PDE12: variants seen among roughly 807,000 people sequenced by gnomAD.
PDE12 encodes phosphodiesterase 12.
PDE12 carries 26 observed loss-of-function variants against 45.4 expected under a neutral mutation model. The observed-to-expected ratio is 0.57, with a 90% CI of 0.42 to 0.79. The LOEUF (loss-of-function observed/expected upper bound fraction) is 0.79. Ranked by LOEUF, PDE12 falls within the 30% of genes least tolerant of loss-of-function variation. The pLI is 0.00. For missense variants in PDE12, 668 were observed against 790.0 expected, an observed-to-expected ratio of 0.85 and a Z score of 1.85; for synonymous variants, 283 against 323.9, an observed-to-expected ratio of 0.87 and a Z score of 1.36.
the PDE12 span, among the ~76,000 whole-genome samples, chr3:57,637,611 T>C: frequency 5.3e-5 from 8 of 152,072 alleles, no homozygotes; most frequent in South Asian, 6.2e-4. Flanking sequence ...GTTGCACAAC[T>C]TGTGCAGCAT....
chr3:57,645,323 T>C, the PDE12 span, among the ~76,000 whole-genome samples: 7 of 151,920 alleles, frequency 4.6e-5, no homozygotes, highest in Middle Eastern at 3.4e-3. Flanking sequence ...TAGCCGGGCG[T>C]GGTGGCGCAT....
the PDE12 span, among the ~76,000 whole-genome samples, chr3:57,573,933 G>GTTTT: frequency 5.5e-5 from 8 of 146,544 alleles, no homozygotes; most frequent in Admixed American, 4.1e-4. Flanking sequence ...GCAATAGGTT[G>GTTTT]TTTTTTTTTG....
rs1350948945 is a variant in PDE12 at position 57,560,009 on chromosome 3, G to A, written c.*5G>A. On this transcript the variant is annotated 3_prime_UTR_variant, in exon 3 of 3. Coordinates refer to ENST00000311180, the MANE Select transcript of PDE12 (RefSeq NM_177966.7). Reference sequence around the variant, plus strand: ...TGTGATTTAAAATGGAAATAGATGTGTGTTTAATGGAATTGAAGTCTGAAA... The same window carrying A: ...TGTGATTTAAAATGGAAATAGATGTATGTTTAATGGAATTGAAGTCTGAAA... 2 of 1,585,900 alleles carry A rather than the reference G, an allele frequency of 1.3e-6. No individual in the cohort carries two copies. Among genetic ancestry groups the A allele is most frequent in the East Asian group, 4.5e-5 (2 of 44,588 alleles).
chr3:57,637,808 A>C, the PDE12 span, among the ~76,000 whole-genome samples: 1 of 62,468 alleles, frequency 1.6e-5, no homozygotes, highest in South Asian at 1.1e-3. Context: ...AAGAAAACAA[A>C]AAAAATAAAT....
chr3:57,626,475 C>G, the PDE12 span: 1 of 152,146 alleles, frequency 6.6e-6, no homozygotes, highest in African/African-American at 2.4e-5. Context: ...TTTGGGAGGC[C>G]GAGGCGGGCG....
chr3:57,631,338 A>G, the PDE12 span, among the ~76,000 whole-genome samples: 2 of 152,132 alleles, frequency 1.3e-5, no homozygotes, highest in Non-Finnish European at 2.9e-5. Context: ...CTGGGATTAC[A>G]GGCGTGCGCC....
At position 57,566,096 on chromosome 3, in the gene PDE12, A is replaced by G. The variant is rs1239894470; in HGVS notation, c.*6092A>G. 1.3e-5 allele frequency: 2 copies of G among 152,156 alleles called. No individual in the cohort carries two copies. Among genetic ancestry groups the G allele is most frequent in the Non-Finnish European group, 2.9e-5 (2 of 68,042 alleles). 9.4% of individuals were successfully genotyped at this position (152,156 alleles called of 1,614,324 possible). A position where few individuals can be genotyped will look rare whatever the true frequency, so the allele number is the denominator to read the frequency against. ...CCTTAAGAGCTTTTTTTGTCACTGC[A>G]TATCAACTCAGTTGACAAGGACTGG... On this transcript the variant is annotated 3_prime_UTR_variant, in exon 3 of 3. Transcript: ENST00000311180.
the PDE12 span, among the ~76,000 whole-genome samples, chr3:57,605,767 CAG>C: frequency 1.7e-4 from 26 of 152,076 alleles, no homozygotes; most frequent in Middle Eastern, 3.4e-3. Context: ...ACAGAACTGA[CAG>C]AGATGTTATT....
chr3:57,556,355 TGTC>T lies in PDE12; in HGVS notation c.-23_-21del, dbSNP rs778239663. 8 of 1,534,118 alleles carry T rather than the reference TGTC, an allele frequency of 5.2e-6. No individual in the cohort carries two copies. Among genetic ancestry groups the T allele is most frequent in the Non-Finnish European group, 7.0e-6 (8 of 1,138,970 alleles). On this transcript the variant is annotated 5_prime_UTR_variant, in exon 1 of 3. Coordinates refer to ENST00000311180, the MANE Select transcript of PDE12 (RefSeq NM_177966.7). This position sits in a 1 kb window ranked among gnomAD's most constrained non-coding sequence, Gnocchi z 5.0. Reference sequence around the variant, plus strand: ...TAGGCCGCTGATCGGCCGCGGGTCTTGTCGACCGCTAGGCCACCAGGTTCATGT... The same window carrying T: ...TAGGCCGCTGATCGGCCGCGGGTCTTGACCGCTAGGCCACCAGGTTCATGT...
At chr3:57,557,857 AT>A (rs933218119) in intron 1 of PDE12, among the ~76,000 whole-genome samples, 170 bp downstream of exon 1, 1 of 152,176 alleles carries the variant, frequency 6.6e-6, no homozygotes, top group African/African-American at 2.4e-5. Context: ...TTCAGCAGAT[AT>A]TTTTTGAACA....
chr3:57,574,720 G>A, the PDE12 span, among the ~76,000 whole-genome samples: 1 of 151,972 alleles, frequency 6.6e-6, no homozygotes, highest in Non-Finnish European at 1.5e-5. Context: ...TCCATAAACT[G>A]TTATGTTAAC....
chr3:57,582,856 C>T, the PDE12 span, among the ~76,000 whole-genome samples: 24,744 of 152,148 alleles, frequency 0.16, 2,674 homozygotes, highest in East Asian at 0.48. Context: ...ACAAACTCTC[C>T]CATCTTGGGT....
At chr3:57,597,241 G>T in the PDE12 span, 2 of 1,172,326 alleles carry the variant, frequency 1.7e-6, no homozygotes, top group Non-Finnish European at 2.5e-6. Flanking sequence ...AGAGGGAAGA[G>T]AAAGAGCGGA....
the PDE12 span, among the ~76,000 whole-genome samples, chr3:57,650,371 TAATA>T: frequency 6.6e-6 from 1 of 151,236 alleles, no homozygotes; most frequent in Non-Finnish European, 1.5e-5. Context: ...TTAAATCAGT[TAATA>T]AAAAATAATT....
downstream of PDE12, among the ~76,000 whole-genome samples, chr3:57,570,866 A>C (rs896917756): frequency 6.6e-6 from 1 of 152,156 alleles, no homozygotes. Context: ...TTGTTTAATT[A>C]ACCTTAACTA....
the PDE12 span, among the ~76,000 whole-genome samples, chr3:57,577,576 T>A: frequency 6.6e-6 from 1 of 152,216 alleles, no homozygotes; most frequent in Non-Finnish European, 1.5e-5. Flanking sequence ...ATTAGTGCTA[T>A]TTCAAATCTA....
At chr3:57,585,551 CACATGTAT>C in the PDE12 span, among the ~76,000 whole-genome samples, 1 of 152,058 alleles carries the variant, frequency 6.6e-6, no homozygotes, top group African/African-American at 2.4e-5. Context: ...ACCAACATGG[CACATGTAT>C]ACATATGTAA....
chr3:57,597,181 T>C, the PDE12 span: 2 of 1,576,436 alleles, frequency 1.3e-6, no homozygotes, highest in African/African-American at 1.3e-5. Context: ...CAGAAGGGGT[T>C]TGGGGCGACC....
the PDE12 span, among the ~76,000 whole-genome samples, chr3:57,578,871 T>C: frequency 6.7e-6 from 1 of 148,344 alleles, no homozygotes; most frequent in Non-Finnish European, 1.5e-5. Flanking sequence ...TGGGAAAGTA[T>C]AGAATTTTCA....
Sources: allele counts gnomAD v4.1 joint callset (sites outside exome capture counted in the v4.1 genomes callset), GRCh38; gene constraint gnomAD v4.1.1; non-coding constraint Gnocchi (gnomAD v3.1); transcripts MANE v1.5; gene names NCBI Gene and HGNC (gene_info 2026-07-23, HGNC 2026-07-21).